The following FSTL5 variants were observed in gnomAD, a reference collection of about 807,000 sequenced individuals.
The protein encoded by FSTL5 is follistatin-related protein 5.
In FSTL5, 62 loss-of-function variants were observed where a neutral mutation model predicts 89.1. The ratio of observed to expected loss-of-function variants is 0.70; its 90% confidence interval spans 0.57 to 0.86. The LOEUF (loss-of-function observed/expected upper bound fraction) is 0.86. Among genes scored for constraint, FSTL5 ranks in the 40% least tolerant of loss-of-function variants. The pLI is 0.00. For synonymous variants in FSTL5, 383 were observed against 346.2 expected (o/e 1.11, Z -1.18); for missense variants, 1,057 against 1,001.6 (o/e 1.06, Z -0.75).
At chr4:162,027,981 C>T (rs1737364477) in intron 3 of FSTL5, among the ~76,000 whole-genome samples, 1 of 151,892 alleles carries the variant, frequency 6.6e-6, no homozygotes, top group South Asian at 2.1e-4. Context: ...ATTTGTTGTC[C>T]TCTCACATTC....
chr4:161,474,737 G>A (rs1466362412), intron 13 of FSTL5, among the ~76,000 whole-genome samples: 1 of 151,852 alleles, frequency 6.6e-6, no homozygotes, highest in Non-Finnish European at 1.5e-5. Flanking sequence ...GGTAGAGATG[G>A]GGTTCCACCA....
At chr4:161,702,928 GA>G (rs1294533080) in intron 6 of FSTL5, among the ~76,000 whole-genome samples, 1 of 152,030 alleles carries the variant, frequency 6.6e-6, no homozygotes. Flanking sequence ...GCTGTATTTG[GA>G]CAAAAGGCTT....
intron 7 of FSTL5, among the ~76,000 whole-genome samples, chr4:161,601,829 C>T (rs1008926695): frequency 6.6e-6 from 1 of 151,916 alleles, no homozygotes; most frequent in Non-Finnish European, 1.5e-5. Flanking sequence ...TGAAGATCTC[C>T]CAGAAAAAGA....
intron 10 of FSTL5, among the ~76,000 whole-genome samples, chr4:161,524,327 T>A (rs1466029071): frequency 6.6e-6 from 1 of 152,156 alleles, no homozygotes; most frequent in African/African-American, 2.4e-5. Flanking sequence ...ATGTGTTTGA[T>A]TGATGTCTCA....
chr4:161,981,092 A>T (rs1261010602), intron 3 of FSTL5, among the ~76,000 whole-genome samples: 1 of 152,132 alleles, frequency 6.6e-6, no homozygotes. Flanking sequence ...AACAGCATAT[A>T]TGTAACCTTC....
At chr4:161,756,430 AT>A (rs528220087) in intron 6 of FSTL5, among the ~76,000 whole-genome samples, 7 of 152,190 alleles carry the variant, frequency 4.6e-5, no homozygotes, top group African/African-American at 1.4e-4. Context: ...TTTCCATAAA[AT>A]TTTTTAACAT....
chr4:161,973,558 T>G (rs1231084680), intron 3 of FSTL5, among the ~76,000 whole-genome samples: 1 of 152,198 alleles, frequency 6.6e-6, no homozygotes, highest in Non-Finnish European at 1.5e-5. Flanking sequence ...CATAAGATTA[T>G]AAGAAAGATT....
chr4:162,082,551 C>A (rs1462346103), intron 2 of FSTL5, among the ~76,000 whole-genome samples: 1 of 137,672 alleles, frequency 7.3e-6, no homozygotes. Flanking sequence ...TTTTCAAATT[C>A]TTTGATCATG....
intron 3 of FSTL5, among the ~76,000 whole-genome samples, chr4:161,950,981 T>C (rs1471400318): frequency 6.6e-6 from 1 of 152,046 alleles, no homozygotes; most frequent in Admixed American, 6.6e-5. Flanking sequence ...GAATTGTAGC[T>C]CCCGTAATTC....
chr4:162,161,139 G>A (rs979529764), intron 1 of FSTL5, among the ~76,000 whole-genome samples: 4 of 151,912 alleles, frequency 2.6e-5, no homozygotes, highest in Non-Finnish European at 4.4e-5. Context: ...TATTTGCAGT[G>A]TGTCTGTAAT....
chr4:162,032,050 T>A (rs914663804), intron 3 of FSTL5, among the ~76,000 whole-genome samples: 1 of 152,164 alleles, frequency 6.6e-6, no homozygotes, highest in African/African-American at 2.4e-5. Context: ...AAATTGTTAT[T>A]GCATTATAAA....
At chr4:161,484,781 C>T (rs778449203) in intron 12 of FSTL5, among the ~76,000 whole-genome samples, 11 of 152,150 alleles carry the variant, frequency 7.2e-5, no homozygotes, top group Non-Finnish European at 1.0e-4. Flanking sequence ...AAATTAAAAA[C>T]ATGAATAGGA....
chr4:161,561,893 C>T (rs1336369524), intron 8 of FSTL5, among the ~76,000 whole-genome samples: 1 of 151,974 alleles, frequency 6.6e-6, no homozygotes. Flanking sequence ...GTAGCCCACA[C>T]ACATTGTTGC....
chr4:162,119,633 C>T (rs1277800976), intron 1 of FSTL5, among the ~76,000 whole-genome samples: 5 of 152,160 alleles, frequency 3.3e-5, no homozygotes. Flanking sequence ...GGGTAAGTTG[C>T]ATATCCATCA....
chr4:161,473,405 T>G (rs1176053250), intron 13 of FSTL5, among the ~76,000 whole-genome samples: 3 of 148,844 alleles, frequency 2.0e-5, no homozygotes, highest in African/African-American at 7.4e-5. Flanking sequence ...ATAAATTATC[T>G]CCCTCTTTGT....
intron 4 of FSTL5, among the ~76,000 whole-genome samples, chr4:161,778,157 C>T (rs1741489930): frequency 6.6e-6 from 1 of 151,862 alleles, no homozygotes; most frequent in African/African-American, 2.4e-5. Flanking sequence ...TATTTTCACA[C>T]AATTCTTTTA....
intron 6 of FSTL5, among the ~76,000 whole-genome samples, chr4:161,695,119 C>A (rs916114540): frequency 7.3e-5 from 11 of 151,408 alleles, no homozygotes; most frequent in Non-Finnish European, 1.3e-4. Flanking sequence ...TGAGTAAGTT[C>A]TTTAGTGGTA....
intron 4 of FSTL5, among the ~76,000 whole-genome samples, chr4:161,913,453 C>A (rs1304678190): frequency 6.6e-6 from 1 of 152,128 alleles, no homozygotes; most frequent in Non-Finnish European, 1.5e-5. Context: ...GGTAGAAGCC[C>A]CAAGCCCTGG....
At chr4:161,939,130 T>C (rs1299269883) in intron 3 of FSTL5, among the ~76,000 whole-genome samples, 1 of 151,988 alleles carries the variant, frequency 6.6e-6, no homozygotes, top group Non-Finnish European at 1.5e-5. Context: ...GTTGATAAAA[T>C]AATTTAATTA....
Sources: gnomAD v4.1 joint callset for allele counts (sites outside exome capture counted in the v4.1 genomes callset) on GRCh38, gnomAD v4.1.1 for gene constraint, MANE v1.5 for transcripts, NCBI Gene and HGNC (gene_info 2026-07-23, HGNC 2026-07-21) for gene names.